The following EXOC4 variants were observed in gnomAD, a reference collection of about 807,000 sequenced individuals.
EXOC4 encodes exocyst complex component 4, also known as SEC8-like 1.
A neutral mutation model predicts 107.2 loss-of-function variants in EXOC4; 71 were observed. That is an observed-to-expected ratio of 0.66 (90% confidence interval 0.55 to 0.81). The LOEUF is 0.81. EXOC4 is among the 30% of genes least tolerant of loss of function. The pLI, the probability that EXOC4 is intolerant of heterozygous loss-of-function variation, is 0.00. For synonymous variants in EXOC4, 456 were observed against 441.2 expected (o/e 1.03, Z -0.42); for missense variants, 1,108 against 1,189.6 (o/e 0.93, Z 1.01).
At chr7:133,942,035 A>G (rs550948818) in intron 14 of EXOC4, among the ~76,000 whole-genome samples, 133 of 152,186 alleles carry the variant, frequency 8.7e-4, no homozygotes, top group African/African-American at 3.1e-3. Context: ...TTGTTAGACT[A>G]TTTTTCAGTT....
intron 10 of EXOC4, among the ~76,000 whole-genome samples, chr7:133,714,357 C>T (rs544167240): frequency 6.6e-6 from 1 of 152,220 alleles, no homozygotes; most frequent in African/African-American, 2.4e-5. Flanking sequence ...ATTGTATGTT[C>T]AGGAATTTTA....
intron 9 of EXOC4, among the ~76,000 whole-genome samples, chr7:133,597,213 T>A (rs73150840): frequency 0.028 from 4,313 of 152,254 alleles, 77 homozygotes; most frequent in Non-Finnish European, 0.048. Flanking sequence ...CCTTTCTTAC[T>A]TACAAGTCAG....
chr7:133,526,188 T>C (rs1800074483), intron 9 of EXOC4, among the ~76,000 whole-genome samples: 1 of 152,192 alleles, frequency 6.6e-6, no homozygotes, highest in African/African-American at 2.4e-5. Flanking sequence ...AATACAATAT[T>C]GTTACCAGGC....
chr7:133,558,122 T>A (rs1206602143), intron 9 of EXOC4, among the ~76,000 whole-genome samples: 1 of 152,192 alleles, frequency 6.6e-6, no homozygotes, highest in East Asian at 1.9e-4. Flanking sequence ...CAAAGAAACA[T>A]GCCTATTAAA....
Position 133,755,277 on chromosome 7 carries a change from ATATATTATATACATAT to A in EXOC4, c.1515-62042_1515-62027del, listed in dbSNP as rs1261584248. ...ATTATATATATATTATATATATTAT[ATATATTATATACATAT>A]TATATATATTATATATATATTATAT... is the stretch of plus-strand genomic sequence containing the variant. On this transcript the variant is annotated intron_variant, in intron 10 of 17. Coordinates refer to ENST00000253861, the MANE Select transcript of EXOC4 (RefSeq NM_021807.4). 8.8e-4 allele frequency among the ~76,000 whole-genome samples: 72 copies of A among 81,686 alleles called. No homozygotes were observed. The Middle Eastern group carries it at 0.022, about 25-fold the overall frequency. 53.6% of individuals were successfully genotyped at this position (81,686 alleles called of 152,430 possible). A position where few individuals can be genotyped will look rare whatever the true frequency, so the allele number is the denominator to read the frequency against.
At chr7:133,926,373 C>G (rs1800052835) in intron 13 of EXOC4, among the ~76,000 whole-genome samples, 1 of 152,108 alleles carries the variant, frequency 6.6e-6, no homozygotes, top group African/African-American at 2.4e-5. Flanking sequence ...TTTCATTGAT[C>G]ATCATAATCT....
intron 9 of EXOC4, among the ~76,000 whole-genome samples, chr7:133,628,170 T>G (rs1802503180): frequency 6.6e-6 from 1 of 152,214 alleles, no homozygotes. Context: ...TGCTGGGGTT[T>G]TGAAACTATT....
At chr7:133,802,849 C>CA (rs59489161) in intron 10 of EXOC4, among the ~76,000 whole-genome samples, 65 of 64,154 alleles carry the variant, frequency 1.0e-3, no homozygotes, top group African/African-American at 1.4e-3. Context: ...TCTGTCTCCA[C>CA]AAAAAAAAAA....
intron 9 of EXOC4, among the ~76,000 whole-genome samples, chr7:133,614,229 C>G (rs954014377): frequency 6.6e-6 from 1 of 152,166 alleles, no homozygotes; most frequent in African/African-American, 2.4e-5. Flanking sequence ...TAGGCTAACT[C>G]TACTCTTTTG....
intron 10 of EXOC4, among the ~76,000 whole-genome samples, chr7:133,729,640 T>G (rs761240838): frequency 2.0e-5 from 3 of 152,134 alleles, no homozygotes; most frequent in Admixed American, 6.5e-5. Context: ...ACAGAATAAC[T>G]TCTTTGGTCT....
At chr7:133,449,652 C>T (rs1171447466) in intron 7 of EXOC4, among the ~76,000 whole-genome samples, 1 of 151,468 alleles carries the variant, frequency 6.6e-6, no homozygotes, top group Non-Finnish European at 1.5e-5. Context: ...TCATTGTTTT[C>T]CCTGGAAAAT....
At chr7:133,682,920 T>C (rs189967712) in intron 10 of EXOC4, among the ~76,000 whole-genome samples, 33 of 152,314 alleles carry the variant, frequency 2.2e-4, no homozygotes, top group Admixed American at 8.5e-4. Flanking sequence ...CAAAGGGATG[T>C]ATGGATTTAC....
At chr7:133,815,487 A>G (rs1797347095) in intron 10 of EXOC4, among the ~76,000 whole-genome samples, 1 of 152,180 alleles carries the variant, frequency 6.6e-6, no homozygotes, top group Non-Finnish European at 1.5e-5. Context: ...AACATTAGAA[A>G]CATTGACAAA....
chr7:133,778,045 A>G (rs1337990795), intron 10 of EXOC4, among the ~76,000 whole-genome samples: 3 of 152,330 alleles, frequency 2.0e-5, no homozygotes, highest in Admixed American at 1.3e-4. Context: ...TGAAAGGTTT[A>G]TAAAAATATA....
intron 2 of EXOC4, among the ~76,000 whole-genome samples, chr7:133,277,792 G>C (rs1794031336): frequency 6.6e-6 from 1 of 152,104 alleles, no homozygotes; most frequent in South Asian, 2.1e-4. Flanking sequence ...AAATGAATTT[G>C]TTTTTGACAA....
At position 133,644,066 on chromosome 7, in the gene EXOC4, A is replaced by G. The variant is rs185780557; in HGVS notation, c.1514+13925A>G. Among the ~76,000 whole-genome samples, 13 of 152,320 alleles carry G rather than the reference A, an allele frequency of 8.5e-5. No homozygotes were observed. In the East Asian group the frequency reaches 2.1e-3, roughly 25 times the overall value. On this transcript the variant is annotated intron_variant, in intron 10 of 17. Transcript: ENST00000253861. ...CATTCAAGGAGTTCTGGGTCTGTAA[A>G]CTGGCTCAAGTCTGAAAATTGATTG... is the stretch of plus-strand genomic sequence containing the variant.
chr7:133,779,301 G>A (rs993279278), intron 10 of EXOC4, among the ~76,000 whole-genome samples: 4 of 152,142 alleles, frequency 2.6e-5, no homozygotes, highest in South Asian at 2.1e-4. Context: ...CTATAAAAAT[G>A]AGGATTTTTT....
At chr7:133,438,120 C>T (rs1174803490) in intron 7 of EXOC4, among the ~76,000 whole-genome samples, 4 of 152,084 alleles carry the variant, frequency 2.6e-5, no homozygotes, top group Admixed American at 6.5e-5. Flanking sequence ...CTGTCTTTGT[C>T]TGTAGATCTT....
At chr7:133,378,902 C>A (rs1252774650) in intron 7 of EXOC4, among the ~76,000 whole-genome samples, 7 of 151,944 alleles carry the variant, frequency 4.6e-5, no homozygotes, top group African/African-American at 1.7e-4. Flanking sequence ...CATAAATCGA[C>A]CAGATACTCC....
Sources: gnomAD v4.1 joint callset for allele counts (sites outside exome capture counted in the v4.1 genomes callset) on GRCh38, gnomAD v4.1.1 for gene constraint, MANE v1.5 for transcripts, NCBI Gene and HGNC (gene_info 2026-07-23, HGNC 2026-07-21) for gene names.